The following CDKL5 variants were observed in gnomAD, a reference collection of about 807,000 sequenced individuals.
The protein encoded by CDKL5 is cyclin-dependent kinase-like 5.
In CDKL5, 8 loss-of-function variants were observed where a neutral mutation model predicts 61.7. The observed-to-expected ratio is 0.13, with a 90% CI of 0.08 to 0.23. CDKL5 has a LOEUF of 0.23. Ranked by LOEUF, CDKL5 falls within the 10% of genes least tolerant of loss-of-function variation. The pLI is 1.00. For missense variants in CDKL5, 440 were observed against 734.5 expected, an observed-to-expected ratio of 0.60 and a Z score of 4.63; for synonymous variants, 275 against 272.3, an observed-to-expected ratio of 1.01 and a Z score of -0.10.
chrX:18,446,363 A>C lies in CDKL5; in HGVS notation c.-163+20668A>C, dbSNP rs954180941. 6.5e-5 allele frequency among the ~76,000 whole-genome samples: 7 copies of C among 108,346 alleles called. No homozygotes were observed. In the South Asian group the frequency reaches 1.2e-3, roughly 18 times the overall value. 94.1% of individuals were successfully genotyped at this position (108,346 alleles called of 115,157 possible). On this transcript the variant is annotated intron_variant, in intron 1 of 17. Transcript: ENST00000623535. ...CAAAACTCTGTCTCAGAAAAAAAAA[A>C]CAAAAAAACAAAAAAACAAAACTGG...
Position 18,633,945 on chromosome X carries a change from G to A in CDKL5, c.*5188G>A. The A allele has an allele frequency of 2.7e-6, 2 of 754,150 alleles. No homozygotes were observed. Among genetic ancestry groups the A allele is most frequent in the Non-Finnish European group, 3.1e-6 (2 of 639,369 alleles). 62.2% of individuals were successfully genotyped at this position (754,150 alleles called of 1,213,427 possible). A position where few individuals can be genotyped will look rare whatever the true frequency, so the allele number is the denominator to read the frequency against. The stretch of plus-strand genomic sequence containing the variant: ...TCACCTGTTTATGCCCAAATTTAAA[G>A]GAAGTTTGTCTCATTTTGCCAGAAA... On this transcript the variant is annotated 3_prime_UTR_variant, in exon 18 of 18. Transcript: ENST00000623535.
intron 1 of CDKL5, among the ~76,000 whole-genome samples, chrX:18,471,657 A>G (rs977726276): frequency 8.9e-6 from 1 of 112,325 alleles, no homozygotes; most frequent in African/African-American, 3.2e-5. Flanking sequence ...CTTAGCTGGG[A>G]TTACAGGTAT....
intron 1 of CDKL5, among the ~76,000 whole-genome samples, chrX:18,446,222 T>C (rs1053888983): frequency 9.6e-6 from 1 of 104,597 alleles, no homozygotes; most frequent in Non-Finnish European, 2.0e-5. Flanking sequence ...CCAGGGATGG[T>C]GGGCGGGCAC....
At chrX:18,644,612 A>G (rs776803555), downstream of CDKL5, 1 of 1,208,910 alleles carries the variant, frequency 8.3e-7, no homozygotes, top group Non-Finnish European at 1.1e-6. Context: ...TGGAACTTGG[A>G]GAGCCAGGCA....
intron 3 of CDKL5, among the ~76,000 whole-genome samples, chrX:18,562,317 CTG>C (rs1327928349): frequency 9.0e-6 from 1 of 111,438 alleles, no homozygotes; most frequent in Non-Finnish European, 1.9e-5. Context: ...AGAATTTACT[CTG>C]TGGAAATAAA....
chrX:18,647,377 C>G, intron 20 of CDKL5: 1 of 1,180,897 alleles, frequency 8.5e-7, no homozygotes, highest in Non-Finnish European at 1.2e-6. Context: ...TCTCAATACT[C>G]AACAAGCACC....
rs761662406 is a variant in CDKL5 at position 18,604,719 on chromosome X, A to G, written c.1795A>G (p.Thr599Ala). 8 of 1,211,512 alleles carry G rather than the reference A, an allele frequency of 6.6e-6. No individual in the cohort carries two copies. Among genetic ancestry groups the G allele is most frequent in the Non-Finnish European group, 8.9e-6 (8 of 895,213 alleles). ...ATCTTTTTCTTATGGACTGGGCTACACCAGCCCCTTTTCTTCCCAGCAACG... is the reference window on the plus strand; with the variant it reads ...ATCTTTTTCTTATGGACTGGGCTACGCCAGCCCCTTTTCTTCCCAGCAACG... Reference protein sequence around the residue: ...HESFSYGLGYTSPFSSQQRPH... With the variant: ...HESFSYGLGYASPFSSQQRPH... Residue 599 changes from threonine (T) to alanine (A), a missense_variant, in exon 12 of 18, where the codon ACC (threonine) becomes GCC (alanine). Coordinates refer to ENST00000623535, the MANE Select transcript of CDKL5 (RefSeq NM_001323289.2).
At chrX:18,579,704 T>C (rs750314876) in intron 5 of CDKL5, 144 bp from the exon 6 acceptor site, 56 of 543,578 alleles carry the variant, frequency 1.0e-4, no homozygotes, top group Non-Finnish European at 1.6e-4. Context: ...TGATTCAGCA[T>C]GAGAAAGTTG....
intron 2 of CDKL5, among the ~76,000 whole-genome samples, chrX:18,509,091 A>AACACAC (rs34278137): frequency 1.1e-3 from 84 of 74,874 alleles, no homozygotes; most frequent in South Asian, 3.3e-3. Flanking sequence ...ACTGTCTCAA[A>AACACAC]ACACACACAC....
chrX:18,434,889 CTG>C (rs1215526224), intron 1 of CDKL5, among the ~76,000 whole-genome samples: 1 of 111,926 alleles, frequency 8.9e-6, no homozygotes, highest in African/African-American at 3.2e-5. Flanking sequence ...GGTCGCACCA[CTG>C]TACTCCAGCC....
chrX:18,510,503 T>G (rs1166168130), intron 2 of CDKL5, among the ~76,000 whole-genome samples: 3 of 112,449 alleles, frequency 2.7e-5, no homozygotes, highest in Non-Finnish European at 5.6e-5. Flanking sequence ...TAATTTTCCT[T>G]TATTCTCAAA....
chrX:18,514,965 A>C (rs1569199806), intron 3 of CDKL5, among the ~76,000 whole-genome samples: 1 of 109,649 alleles, frequency 9.1e-6, no homozygotes, highest in African/African-American at 3.3e-5. Context: ...TGCCCGGCTA[A>C]TTTTTGTATT....
At chrX:18,470,773 C>T (rs751365892) in intron 1 of CDKL5, among the ~76,000 whole-genome samples, 3 of 112,048 alleles carry the variant, frequency 2.7e-5, no homozygotes, top group Non-Finnish European at 3.8e-5. Flanking sequence ...TGTACAGTCA[C>T]CAAAGTAGGC....
At chrX:18,469,199 C>T (rs959580429) in intron 1 of CDKL5, among the ~76,000 whole-genome samples, 13 of 106,217 alleles carry the variant, frequency 1.2e-4, no homozygotes, top group African/African-American at 4.5e-4. Flanking sequence ...ATTAGCCAGG[C>T]GTGGTGGCAC....
At chrX:18,501,870 T>C (rs1922402382) in intron 1 of CDKL5, among the ~76,000 whole-genome samples, 2 of 112,711 alleles carry the variant, frequency 1.8e-5, no homozygotes, top group South Asian at 7.2e-4. Context: ...TTACAAATAC[T>C]TTTATACAGA....
At chrX:18,599,488 C>T (rs970467577) in intron 11 of CDKL5, among the ~76,000 whole-genome samples, 1 of 112,463 alleles carries the variant, frequency 8.9e-6, no homozygotes, top group African/African-American at 3.2e-5. Flanking sequence ...GGCCTTTGCT[C>T]TGTCGCCTAG....
chrX:18,574,587 C>T (rs753087662), intron 4 of CDKL5, among the ~76,000 whole-genome samples: 24 of 111,919 alleles, frequency 2.1e-4, no homozygotes, highest in South Asian at 3.8e-4. Context: ...TGTCCTTCCT[C>T]CATAACCACG....
At chrX:18,528,383 T>A (rs2147107329) in intron 3 of CDKL5, among the ~76,000 whole-genome samples, 1 of 110,313 alleles carries the variant, frequency 9.1e-6, no homozygotes, top group Admixed American at 9.7e-5. Context: ...CTCTCTAGTT[T>A]GGTACATTCA....
intron 20 of CDKL5, chrX:18,650,163 G>A: frequency 2.3e-6 from 1 of 441,439 alleles, no homozygotes; most frequent in East Asian, 3.8e-5. Context: ...AGAGCGGTCT[G>A]TAGCCCTGCA....
Sources: allele counts gnomAD v4.1 joint callset (sites outside exome capture counted in the v4.1 genomes callset), GRCh38; gene constraint gnomAD v4.1.1; transcripts MANE v1.5; gene names NCBI Gene and HGNC (gene_info 2026-07-23, HGNC 2026-07-21).